Variants in FBXW10B observed in about 807,000 individuals in gnomAD.
FBXW10B encodes F-box and WD repeat domain containing 10B.
At chr17:15,572,745 A>T in the FBXW10B span, 1 of 151,560 alleles carries the variant, frequency 6.6e-6, no homozygotes, top group South Asian at 2.1e-4. Flanking sequence ...TACGGTGGCC[A>T]GAGTGGGCTT....
chr17:15,581,171 A>C, the FBXW10B span, among the ~76,000 whole-genome samples: 1 of 152,190 alleles, frequency 6.6e-6, no homozygotes, highest in African/African-American at 2.4e-5. Context: ...CTTTTAAATA[A>C]CTAGTTAACT....
chr17:15,582,385 G>A, the FBXW10B span, among the ~76,000 whole-genome samples: 1,183 of 152,028 alleles, frequency 7.8e-3, 20 homozygotes, highest in African/African-American at 0.028. Flanking sequence ...CTAAAAGATA[G>A]ATCTCTTGAT....
At chr17:15,607,891 T>C in the FBXW10B span, among the ~76,000 whole-genome samples, 1 of 147,368 alleles carries the variant, frequency 6.8e-6, no homozygotes, top group African/African-American at 2.6e-5. Context: ...AGGTTCTTAA[T>C]TCTTCTTTCA....
chr17:15,601,224 A>G, the FBXW10B span, among the ~76,000 whole-genome samples: 60,019 of 146,214 alleles, frequency 0.41, 15,674 homozygotes, highest in Non-Finnish European at 0.58. Context: ...CCTGGCTAAC[A>G]CGGTGAAACC....
At chr17:15,576,532 C>G in the FBXW10B span, among the ~76,000 whole-genome samples, 1 of 152,258 alleles carries the variant, frequency 6.6e-6, no homozygotes, top group Non-Finnish European at 1.5e-5. Flanking sequence ...AAGCTTCCTG[C>G]AGGCGGAGCC....
chr17:15,614,041 G>A, the FBXW10B span: 15 of 1,610,162 alleles, frequency 9.3e-6, 1 homozygote, highest in Non-Finnish European at 1.2e-5. Context: ...CCTCTAGAGT[G>A]AAGCCGGAGA....
At chr17:15,602,036 C>CCAGG in the FBXW10B span, among the ~76,000 whole-genome samples, 2 of 150,850 alleles carry the variant, frequency 1.3e-5, no homozygotes, top group East Asian at 3.9e-4. Flanking sequence ...GGCATGATCA[C>CCAGG]GGAAGGCGGA....
chr17:15,615,040 T>A, the FBXW10B span, among the ~76,000 whole-genome samples: 1 of 152,148 alleles, frequency 6.6e-6, no homozygotes, highest in Non-Finnish European at 1.5e-5. Context: ...AAATCATTGA[T>A]AGTTTCCTTT....
chr17:15,589,329 C>T, the FBXW10B span: 13 of 1,427,708 alleles, frequency 9.1e-6, no homozygotes, highest in Non-Finnish European at 1.2e-5. Flanking sequence ...AAAAAGGAAG[C>T]AGTGCTGCCT....
chr17:15,595,587 C>T, the FBXW10B span, among the ~76,000 whole-genome samples: 2 of 151,980 alleles, frequency 1.3e-5, no homozygotes, highest in Admixed American at 1.3e-4. Flanking sequence ...TGCCAGAACC[C>T]AGAGTGCACA....
the FBXW10B span, among the ~76,000 whole-genome samples, chr17:15,589,608 AT>A: frequency 0.045 from 6,784 of 151,440 alleles, 312 homozygotes; most frequent in African/African-American, 0.12. Context: ...AGATTCCTAC[AT>A]TTTTTTGGTG....
chr17:15,609,779 C>T, the FBXW10B span, among the ~76,000 whole-genome samples: 2 of 151,416 alleles, frequency 1.3e-5, no homozygotes, highest in Non-Finnish European at 2.9e-5. Context: ...CTTAGTCTTG[C>T]TATTTCATGT....
chr17:15,566,405 T>C, the FBXW10B span: 1 of 1,365,898 alleles, frequency 7.3e-7, no homozygotes, highest in Non-Finnish European at 9.6e-7. Flanking sequence ...CTATGAAAAA[T>C]ATTAAGTACG....
the FBXW10B span, chr17:15,612,819 G>A: frequency 9.3e-6 from 15 of 1,609,310 alleles, no homozygotes; most frequent in South Asian, 1.5e-4. Flanking sequence ...TCTTGTATAG[G>A]ACCCCTGGAA....
chr17:15,618,744 A>T, the FBXW10B span, among the ~76,000 whole-genome samples: 1 of 152,174 alleles, frequency 6.6e-6, no homozygotes, highest in South Asian at 2.1e-4. Context: ...AAATGCAGAA[A>T]TCTATGATAA....
At chr17:15,608,993 C>T in the FBXW10B span, among the ~76,000 whole-genome samples, 45 of 149,948 alleles carry the variant, frequency 3.0e-4, no homozygotes, top group Non-Finnish European at 5.3e-4. Flanking sequence ...CCTTCCCTCC[C>T]TCCTTTGCTT....
chr17:15,567,120 A>C, the FBXW10B span, among the ~76,000 whole-genome samples: 4 of 151,496 alleles, frequency 2.6e-5, no homozygotes, highest in South Asian at 8.4e-4. Context: ...AAATACAAAA[A>C]AATTAGCCGG....
chr17:15,584,106 C>T, the FBXW10B span, among the ~76,000 whole-genome samples: 36 of 152,238 alleles, frequency 2.4e-4, no homozygotes, highest in Admixed American at 3.3e-4. Context: ...AATTTATCTT[C>T]GGAATTTCTT....
chr17:15,597,519 G>A, the FBXW10B span, among the ~76,000 whole-genome samples: 1 of 150,898 alleles, frequency 6.6e-6, no homozygotes, highest in African/African-American at 2.4e-5. Context: ...TGTAGTCCCA[G>A]CTACTCGGGA....
Sources: gnomAD v4.1 joint callset for allele counts (sites outside exome capture counted in the v4.1 genomes callset) on GRCh38, gnomAD v4.1.1 for gene constraint, MANE v1.5 for transcripts, NCBI Gene and HGNC (gene_info 2026-07-23, HGNC 2026-07-21) for gene names.